Variants in HMCN1 observed in about 807,000 individuals in gnomAD.
HMCN1 encodes the protein hemicentin 1.
In HMCN1, 321 loss-of-function variants were observed where a neutral mutation model predicts 625.9. The observed-to-expected ratio is 0.51, with a 90% confidence interval of 0.47 to 0.56. The LOEUF (loss-of-function observed/expected upper bound fraction) is 0.56, where lower values mean the gene tolerates loss of function less well. Among genes scored for constraint, HMCN1 ranks in the 20% least tolerant of loss-of-function variants. HMCN1 has a pLI of 0.00. For synonymous variants in HMCN1, 2,425 were observed against 2,417.6 expected (o/e 1.00, Z -0.09); for missense variants, 6,588 against 6,887.3 (o/e 0.96, Z 1.54).
intron 57 of HMCN1, among the ~76,000 whole-genome samples, 196 bp downstream of exon 57, chr1:186,083,157 G>A (rs1415276814): frequency 2.0e-5 from 3 of 152,008 alleles, no homozygotes; most frequent in South Asian, 2.1e-4. Flanking sequence ...CAGGAACACA[G>A]TTTTTATATT....
chr1:185,976,652 C>T (rs1651237895), intron 15 of HMCN1, among the ~76,000 whole-genome samples: 2 of 152,110 alleles, frequency 1.3e-5, no homozygotes, highest in African/African-American at 4.8e-5. Context: ...CCATGTGACA[C>T]TTAGCAAATT....
chr1:186,064,473 C>CT (rs898441013), intron 48 of HMCN1, among the ~76,000 whole-genome samples: 7 of 151,830 alleles, frequency 4.6e-5, no homozygotes, highest in African/African-American at 1.7e-4. Flanking sequence ...AAAGGTTTTG[C>CT]TTTTTTACAG....
At chr1:185,874,796 A>T (rs1663829517) in intron 4 of HMCN1, among the ~76,000 whole-genome samples, 1 of 152,004 alleles carries the variant, frequency 6.6e-6, no homozygotes, top group Non-Finnish European at 1.5e-5. Flanking sequence ...TTGTTGGGTT[A>T]TTTCATTAAA....
chr1:185,970,901 C>T (rs1424224600), intron 15 of HMCN1, among the ~76,000 whole-genome samples: 1 of 151,968 alleles, frequency 6.6e-6, no homozygotes, highest in Non-Finnish European at 1.5e-5. Context: ...CTCGTGATTC[C>T]CACCCACCTC....
intron 42 of HMCN1, among the ~76,000 whole-genome samples, chr1:186,051,903 C>T (rs1009920993): frequency 7.2e-5 from 11 of 151,766 alleles, no homozygotes; most frequent in Admixed American, 5.9e-4. Flanking sequence ...TTGTCAGAGG[C>T]CTAAACTTAT....
chr1:185,813,450 A>G (rs1262429391), intron 1 of HMCN1, among the ~76,000 whole-genome samples: 1 of 152,152 alleles, frequency 6.6e-6, no homozygotes, highest in African/African-American at 2.4e-5. Context: ...GCAAAATCAT[A>G]TTCTGATTAC....
chr1:186,084,187 G>A (rs1177601164), intron 57 of HMCN1, among the ~76,000 whole-genome samples: 1 of 152,088 alleles, frequency 6.6e-6, no homozygotes, highest in Non-Finnish European at 1.5e-5. Context: ...TATTGTAAGT[G>A]CTCTAGACAG....
intron 30 of HMCN1, among the ~76,000 whole-genome samples, chr1:186,007,711 C>A (rs796443756): frequency 1.2e-4 from 18 of 152,234 alleles, no homozygotes; most frequent in African/African-American, 4.3e-4. Flanking sequence ...ATGTGATTAT[C>A]TTTTAAATGC....
chr1:186,009,796 T>C (rs966425366), intron 30 of HMCN1, among the ~76,000 whole-genome samples: 3 of 152,138 alleles, frequency 2.0e-5, no homozygotes, highest in African/African-American at 7.2e-5. Context: ...TGTGCAGATT[T>C]ACTAGTAGTT....
intron 2 of HMCN1, among the ~76,000 whole-genome samples, chr1:185,855,274 G>A (rs1662396333): frequency 6.6e-6 from 1 of 152,102 alleles, no homozygotes; most frequent in Non-Finnish European, 1.5e-5. Flanking sequence ...TAATTTTGAA[G>A]GTCACAATAA....
chr1:185,895,652 C>T (rs1665441139), intron 4 of HMCN1, among the ~76,000 whole-genome samples: 1 of 152,174 alleles, frequency 6.6e-6, no homozygotes, highest in African/African-American at 2.4e-5. Context: ...ACCAAGGGAT[C>T]AGTGCAGGTT....
At chr1:185,744,194 C>T (rs1307472409) in intron 1 of HMCN1, among the ~76,000 whole-genome samples, 3 of 151,530 alleles carry the variant, frequency 2.0e-5, no homozygotes, top group Non-Finnish European at 4.4e-5. Context: ...CGGGGTTGCA[C>T]CGTGTTCGCC....
At chr1:186,035,279 G>T (rs1655744040) in intron 36 of HMCN1, among the ~76,000 whole-genome samples, 1 of 152,166 alleles carries the variant, frequency 6.6e-6, no homozygotes, top group African/African-American at 2.4e-5. Flanking sequence ...GAGTGATAGA[G>T]GGGTGGTTCT....
chr1:185,981,986 T>C (rs1651671673), intron 17 of HMCN1, among the ~76,000 whole-genome samples: 2 of 152,206 alleles, frequency 1.3e-5, no homozygotes, highest in South Asian at 2.1e-4. Context: ...ATTGCAAATA[T>C]CTTGGCTTGA....
In HMCN1 at chr1:185,889,588, C is replaced by T. The variant is rs1439798072; in HGVS notation, c.622-19749C>T. Reference sequence around the variant, plus strand: ...ATAATCATGTGGTTTTTGTCTTTGGCTCTGTTTATATGCTGGATTACATTT... The same window carrying T: ...ATAATCATGTGGTTTTTGTCTTTGGTTCTGTTTATATGCTGGATTACATTT... On this transcript the variant is annotated intron_variant, in intron 4 of 106. Transcript: ENST00000271588. 7.7e-4 allele frequency among the ~76,000 whole-genome samples: 104 copies of T among 134,288 alleles called. No homozygotes were observed. The East Asian group carries it at 0.019, about 25-fold the overall frequency. The allele number at this position is 134,288 out of a possible 152,430, so 88.1% of individuals were successfully genotyped here.
At chr1:185,773,198 A>G (rs537159262) in intron 1 of HMCN1, among the ~76,000 whole-genome samples, 5 of 152,256 alleles carry the variant, frequency 3.3e-5, no homozygotes, top group Non-Finnish European at 7.4e-5. Flanking sequence ...GGTTATCACA[A>G]GTGGGGAAAG....
intron 1 of HMCN1, among the ~76,000 whole-genome samples, chr1:185,820,371 C>G (rs1386842416): frequency 1.3e-5 from 2 of 152,056 alleles, no homozygotes; most frequent in African/African-American, 4.8e-5. Flanking sequence ...TTGCTGTATC[C>G]ATTTTATTAC....
intron 100 of HMCN1, among the ~76,000 whole-genome samples, 198 bp downstream of exon 100, chr1:186,167,140 G>A (rs1571452314): frequency 6.6e-6 from 1 of 152,274 alleles, no homozygotes; most frequent in East Asian, 1.9e-4. Context: ...TTTATAAGTT[G>A]AGCTTCTTCA....
rs766235219 is a variant in HMCN1 at position 186,163,729 on chromosome 1, G to A, written c.15257-1382G>A. 3.3e-5 allele frequency among the ~76,000 whole-genome samples: 5 copies of A among 152,214 alleles called. No individual in the cohort carries two copies. In the South Asian group the frequency reaches 1.0e-3, roughly 32 times the overall value. On this transcript the variant is annotated intron_variant, in intron 97 of 106. Transcript: ENST00000271588. ...ATAATTATAGATTTCTTACTTTCAT[G>A]AAAGTCTTGCAAGGCAAGGGACAAA... is the stretch of plus-strand genomic sequence containing the variant.
Sources: gnomAD v4.1 joint callset for allele counts (sites outside exome capture counted in the v4.1 genomes callset) on GRCh38, gnomAD v4.1.1 for gene constraint, MANE v1.5 for transcripts, NCBI Gene and HGNC (gene_info 2026-07-23, HGNC 2026-07-21) for gene names.